The following SGCZ variants were observed in gnomAD, a reference collection of about 807,000 sequenced individuals.
The protein encoded by SGCZ is sarcoglycan zeta, also known as zeta-sarcoglycan.
Under a neutral mutation model 41.3 loss-of-function variants are expected in SGCZ, and 40 were observed. That is an observed-to-expected ratio of 0.97 (90% confidence interval 0.75 to 1.26). The LOEUF (loss-of-function observed/expected upper bound fraction) is 1.26. Ranked by LOEUF, SGCZ falls within the 50% of genes most tolerant of loss-of-function variation. The pLI is 0.00. For synonymous variants in SGCZ, 206 were observed against 137.5 expected (o/e 1.50, Z -3.49); for missense variants, 552 against 369.8 (o/e 1.49, Z -4.04).
At chr8:14,135,359 G>A (rs1332718942) in intron 5 of SGCZ, among the ~76,000 whole-genome samples, 1 of 152,134 alleles carries the variant, frequency 6.6e-6, no homozygotes, top group African/African-American at 2.4e-5. Flanking sequence ...GTGATAGGAA[G>A]AAAGCAGAAA....
intron 1 of SGCZ, among the ~76,000 whole-genome samples, chr8:14,784,913 A>AAAAATATATATATATATATAT (rs1408574493): frequency 1.4e-4 from 12 of 88,020 alleles, no homozygotes; most frequent in African/African-American, 5.2e-4. Context: ...AAAAAAAAAA[A>AAAAATATATATATATATATAT]ATATATATAT....
At chr8:14,378,583 G>GA (rs1277105418) in intron 2 of SGCZ, among the ~76,000 whole-genome samples, 8 of 151,934 alleles carry the variant, frequency 5.3e-5, no homozygotes, top group Admixed American at 3.3e-4. Flanking sequence ...AAATTTACAA[G>GA]AAAAAAACAA....
chr8:14,215,026 G>A (rs540819161), intron 4 of SGCZ, among the ~76,000 whole-genome samples: 36 of 152,182 alleles, frequency 2.4e-4, no homozygotes, highest in Admixed American at 1.6e-3. Context: ...GACCTCATTC[G>A]CACATATAGA....
At chr8:15,097,633 G>A (rs576726479) in intron 1 of SGCZ, among the ~76,000 whole-genome samples, 12 of 151,326 alleles carry the variant, frequency 7.9e-5, no homozygotes, top group African/African-American at 2.7e-4. Context: ...TTGACTGCCT[G>A]TAGTACCAGC....
chr8:15,169,240 G>C (rs1000546180), intron 1 of SGCZ, among the ~76,000 whole-genome samples: 1 of 152,168 alleles, frequency 6.6e-6, no homozygotes, highest in Non-Finnish European at 1.5e-5. Context: ...AGGGCAGTTA[G>C]ATGTACTTCT....
intron 1 of SGCZ, among the ~76,000 whole-genome samples, chr8:15,109,308 C>T (rs1035140016): frequency 6.6e-6 from 1 of 152,044 alleles, no homozygotes; most frequent in Non-Finnish European, 1.5e-5. Context: ...AATTCATAAG[C>T]AACTTACAAA....
intron 2 of SGCZ, among the ~76,000 whole-genome samples, chr8:14,516,463 G>T (rs1802623450): frequency 6.6e-6 from 1 of 151,944 alleles, no homozygotes; most frequent in Non-Finnish European, 1.5e-5. Flanking sequence ...TAGCATCAGA[G>T]AATAATTTCC....
chr8:14,509,963 G>A (rs761091744), intron 2 of SGCZ, among the ~76,000 whole-genome samples: 26 of 152,118 alleles, frequency 1.7e-4, no homozygotes, highest in Non-Finnish European at 3.4e-4. Flanking sequence ...CCCTCAACAG[G>A]TGAGGACTAT....
rs1211557602 is a variant in SGCZ at position 14,218,440 on chromosome 8, G to A, written c.424+19152C>T. ...AAGAAAAAACTGACTTAAACAATTA[G>A]GGGGGACATTATCTGTTCCCAGATT... On this transcript the variant is annotated intron_variant, in intron 4 of 7. Coordinates refer to ENST00000382080, the MANE Select transcript of SGCZ (RefSeq NM_139167.4). Among the ~76,000 whole-genome samples, 3 of 152,128 alleles carry A rather than the reference G, an allele frequency of 2.0e-5. No homozygotes were observed. The East Asian group carries it at 5.8e-4, about 29-fold the overall frequency.
At chr8:14,264,294 TG>T (rs1186832046) in intron 3 of SGCZ, among the ~76,000 whole-genome samples, 1 of 152,084 alleles carries the variant, frequency 6.6e-6, no homozygotes, top group Non-Finnish European at 1.5e-5. Context: ...AGAAGGAGGT[TG>T]AAAGAAAACA....
chr8:14,603,047 G>C (rs1313785974), intron 1 of SGCZ, among the ~76,000 whole-genome samples: 1 of 152,146 alleles, frequency 6.6e-6, no homozygotes, highest in Non-Finnish European at 1.5e-5. Flanking sequence ...AGAGACACTA[G>C]GAGGATTCTA....
intron 1 of SGCZ, among the ~76,000 whole-genome samples, chr8:14,669,070 C>G (rs140690331): frequency 3.3e-5 from 5 of 152,094 alleles, no homozygotes; most frequent in African/African-American, 1.2e-4. Context: ...TGCAGTGGCT[C>G]AGGCCTGTAA....
At chr8:14,962,804 C>T (rs888588012) in intron 1 of SGCZ, among the ~76,000 whole-genome samples, 6 of 152,112 alleles carry the variant, frequency 3.9e-5, no homozygotes, top group Non-Finnish European at 7.4e-5. Flanking sequence ...TTAAGAAATT[C>T]GTCGTGATAA....
intron 5 of SGCZ, among the ~76,000 whole-genome samples, chr8:14,131,423 T>G (rs1265612419): frequency 6.6e-6 from 1 of 152,192 alleles, no homozygotes; most frequent in Non-Finnish European, 1.5e-5. Flanking sequence ...GTTTTTGTTC[T>G]CCATAGAACT....
At chr8:14,719,677 C>A (rs10101879) in intron 1 of SGCZ, among the ~76,000 whole-genome samples, 8,011 of 151,904 alleles carry the variant, frequency 0.053, 711 homozygotes, top group African/African-American at 0.18. Context: ...TGTTCATGTC[C>A]TTTGCCCACT....
At chr8:14,498,239 C>T (rs572046522) in intron 2 of SGCZ, among the ~76,000 whole-genome samples, 1 of 152,204 alleles carries the variant, frequency 6.6e-6, no homozygotes, top group East Asian at 1.9e-4. Flanking sequence ...GGAATGAATC[C>T]TTAAAATTTT....
chr8:14,371,340 A>C (rs1291373561), intron 2 of SGCZ, among the ~76,000 whole-genome samples: 8 of 152,064 alleles, frequency 5.3e-5, no homozygotes, highest in Admixed American at 5.2e-4. Context: ...CAGTTCAGTT[A>C]AATGACAACA....
chr8:15,117,864 C>G (rs1025920664), intron 1 of SGCZ, among the ~76,000 whole-genome samples: 1 of 152,134 alleles, frequency 6.6e-6, no homozygotes, highest in African/African-American at 2.4e-5. Flanking sequence ...CAAACAAATG[C>G]AAAAACTCAA....
chr8:14,099,610 A>C (rs1050507690), intron 7 of SGCZ, among the ~76,000 whole-genome samples: 30 of 151,988 alleles, frequency 2.0e-4, no homozygotes, highest in Non-Finnish European at 3.8e-4. Context: ...CTGTAATCCC[A>C]CCTACTAGGG....
Sources: gnomAD v4.1 joint callset for allele counts (sites outside exome capture counted in the v4.1 genomes callset) on GRCh38, gnomAD v4.1.1 for gene constraint, MANE v1.5 for transcripts, NCBI Gene and HGNC (gene_info 2026-07-23, HGNC 2026-07-21) for gene names.